Variants in KCNIP1 observed in about 807,000 individuals in gnomAD.
KCNIP1 encodes the protein A-type potassium channel modulatory protein KCNIP1.
In KCNIP1, 18 loss-of-function variants were observed where a neutral mutation model predicts 33.0. The observed-to-expected ratio is 0.55, with a 90% CI of 0.38 to 0.81. KCNIP1 has a LOEUF of 0.81. Ranked by LOEUF, KCNIP1 falls within the 30% of genes least tolerant of loss-of-function variation. The pLI, the probability that KCNIP1 is intolerant of heterozygous loss-of-function variation, is 0.00. For synonymous variants in KCNIP1, 93 were observed against 98.3 expected (o/e 0.95, Z 0.32); for missense variants, 238 against 271.6 (o/e 0.88, Z 0.87).
At chr5:170,734,678 G>A (rs1340244786) in intron 7 of KCNIP1, among the ~76,000 whole-genome samples, 1 of 152,184 alleles carries the variant, frequency 6.6e-6, no homozygotes, top group Non-Finnish European at 1.5e-5. Flanking sequence ...GTTACTCTGA[G>A]CTCCAGCCAA....
intron 1 of KCNIP1, among the ~76,000 whole-genome samples, chr5:170,432,158 T>C (rs1755758150): frequency 6.6e-6 from 1 of 152,048 alleles, no homozygotes; most frequent in Non-Finnish European, 1.5e-5. Flanking sequence ...GTAAAAACAA[T>C]TCGGTAGAGC....
At chr5:170,697,266 G>A (rs1002789877) in intron 1 of KCNIP1, among the ~76,000 whole-genome samples, 2 of 152,066 alleles carry the variant, frequency 1.3e-5, no homozygotes, top group Non-Finnish European at 2.9e-5. Context: ...ACTTCTCACA[G>A]CTGTCATTTT....
At chr5:170,642,773 G>A (rs1760624507) in intron 1 of KCNIP1, among the ~76,000 whole-genome samples, 1 of 152,220 alleles carries the variant, frequency 6.6e-6, no homozygotes, top group Non-Finnish European at 1.5e-5. Context: ...TTCCAGTGCT[G>A]TGATTAAAAC....
At chr5:170,684,047 G>A (rs1399542354) in intron 1 of KCNIP1, among the ~76,000 whole-genome samples, 1 of 152,074 alleles carries the variant, frequency 6.6e-6, no homozygotes, top group Non-Finnish European at 1.5e-5. Flanking sequence ...ATGAGCCACA[G>A]CGCCTGGCCA....
intron 4 of KCNIP1, among the ~76,000 whole-genome samples, 198 bp from the exon 5 acceptor site, chr5:170,722,514 CA>C (rs56741677): frequency 6.8e-6 from 1 of 147,672 alleles, no homozygotes; most frequent in Admixed American, 6.7e-5. Context: ...GGGCACCTTG[CA>C]AAAAAAAACA....
At position 170,378,438 on chromosome 5, in the gene KCNIP1, G is replaced by A. The variant is rs1035668575; in HGVS notation, c.88+24474G>A. On this transcript the variant is annotated intron_variant, in intron 1 of 7. Transcript: ENST00000377360. ...TGCAGCCGGAAACAGGTATGAGTCA[G>A]TTGAGTGGGGACAGGTAATAGAGAG... is the stretch of plus-strand genomic sequence containing the variant. 6.8e-6 allele frequency: 3 copies of A among 443,796 alleles called. No individual in the cohort carries two copies. In the East Asian group the frequency reaches 1.1e-4, roughly 16 times the overall value. 27.5% of individuals were successfully genotyped at this position (443,796 alleles called of 1,614,324 possible). A position where few individuals can be genotyped will look rare whatever the true frequency, so the allele number is the denominator to read the frequency against.
At chr5:170,608,263 C>T (rs1290584025) in intron 1 of KCNIP1, among the ~76,000 whole-genome samples, 1 of 152,214 alleles carries the variant, frequency 6.6e-6, no homozygotes, top group Non-Finnish European at 1.5e-5. Context: ...GATAGAAGAG[C>T]AGGAAGCACA....
At chr5:170,532,198 A>G (rs1755812275) in intron 1 of KCNIP1, among the ~76,000 whole-genome samples, 1 of 152,228 alleles carries the variant, frequency 6.6e-6, no homozygotes, top group African/African-American at 2.4e-5. Flanking sequence ...CAGTCCACAC[A>G]CTTGGCTATA....
At chr5:170,607,222 C>T (rs4867994) in intron 1 of KCNIP1, among the ~76,000 whole-genome samples, 24,692 of 152,152 alleles carry the variant, frequency 0.16, 2,193 homozygotes, top group Non-Finnish European at 0.2. Context: ...ACTTTCAGCT[C>T]GTTATTTAGC....
At chr5:170,363,006 A>C (rs999989320) in intron 1 of KCNIP1, among the ~76,000 whole-genome samples, 1 of 152,238 alleles carries the variant, frequency 6.6e-6, no homozygotes, top group Non-Finnish European at 1.5e-5. Context: ...GTTCAGAAAC[A>C]GTGGCTGTCA....
At chr5:170,424,658 T>A in intron 1 of KCNIP1, among the ~76,000 whole-genome samples, 1 of 152,180 alleles carries the variant, frequency 6.6e-6, no homozygotes, top group Non-Finnish European at 1.5e-5. Context: ...CTGTTCACTG[T>A]GTCAGCCTCC....
intron 1 of KCNIP1, among the ~76,000 whole-genome samples, chr5:170,470,941 A>C (rs1395325197): frequency 6.6e-6 from 1 of 152,100 alleles, no homozygotes; most frequent in Non-Finnish European, 1.5e-5. Flanking sequence ...GGCACTTTCC[A>C]TTTGGTGGAG....
chr5:170,650,172 A>G (rs1438393270), intron 1 of KCNIP1, among the ~76,000 whole-genome samples: 1 of 152,238 alleles, frequency 6.6e-6, no homozygotes, highest in Non-Finnish European at 1.5e-5. Flanking sequence ...ATATTGAAAT[A>G]TAATTGAAAT....
intron 1 of KCNIP1, among the ~76,000 whole-genome samples, chr5:170,673,056 GACA>G (rs1417631658): frequency 1.3e-5 from 2 of 152,204 alleles, no homozygotes; most frequent in African/African-American, 4.8e-5. Context: ...CTGATATCTT[GACA>G]ACATTTGTTT....
intron 1 of KCNIP1, among the ~76,000 whole-genome samples, chr5:170,490,649 G>A (rs1757186744): frequency 6.6e-6 from 1 of 152,132 alleles, no homozygotes; most frequent in South Asian, 2.1e-4. Context: ...AATTTTCTGT[G>A]AGTCTATAAT....
intron 1 of KCNIP1, among the ~76,000 whole-genome samples, chr5:170,660,135 G>C (rs1215614250): frequency 6.6e-6 from 1 of 152,130 alleles, no homozygotes; most frequent in Non-Finnish European, 1.5e-5. Flanking sequence ...CTAAGACCCA[G>C]CTGCTTTTCA....
intron 1 of KCNIP1, among the ~76,000 whole-genome samples, chr5:170,444,635 A>C (rs573107432): frequency 1.4e-3 from 209 of 152,154 alleles, no homozygotes; most frequent in Non-Finnish European, 2.3e-3. Context: ...AAAGTGAGGC[A>C]TATAATTTGT....
chr5:170,663,377 G>C (rs190739330), intron 1 of KCNIP1, among the ~76,000 whole-genome samples: 3 of 152,128 alleles, frequency 2.0e-5, no homozygotes, highest in Admixed American at 1.3e-4. Context: ...TGCATGCCAT[G>C]TTTCAGTAAG....
chr5:170,708,805 G>A (rs959433926), intron 1 of KCNIP1, among the ~76,000 whole-genome samples: 1 of 152,156 alleles, frequency 6.6e-6, no homozygotes, highest in Middle Eastern at 3.2e-3. Flanking sequence ...AGGCTGAGGT[G>A]GGAGGATTGC....
Sources: allele counts gnomAD v4.1 joint callset (sites outside exome capture counted in the v4.1 genomes callset), GRCh38; gene constraint gnomAD v4.1.1; transcripts MANE v1.5; gene names NCBI Gene and HGNC (gene_info 2026-07-23, HGNC 2026-07-21).